DLGAP1: variants seen among roughly 807,000 people sequenced by gnomAD.
The protein encoded by DLGAP1 is disks large-associated protein 1.
A neutral mutation model predicts 90.8 loss-of-function variants in DLGAP1; 11 were observed. The observed-to-expected ratio is 0.12, with a 90% CI of 0.08 to 0.20. The LOEUF is 0.20. Among genes scored for constraint, DLGAP1 ranks in the 10% least tolerant of loss-of-function variants. DLGAP1 has a pLI of 1.00. For missense variants in DLGAP1, 1,050 were observed against 1,333.8 expected, an observed-to-expected ratio of 0.79 and a Z score of 3.31; for synonymous variants, 558 against 540.7, an observed-to-expected ratio of 1.03 and a Z score of -0.44.
At chr18:3,553,045 G>A (rs1384951915) in intron 9 of DLGAP1, among the ~76,000 whole-genome samples, 1 of 151,050 alleles carries the variant, frequency 6.6e-6, no homozygotes, top group African/African-American at 2.4e-5. Context: ...TTGTCATTTA[G>A]TTTCAGAAGG....
intron 1 of DLGAP1, among the ~76,000 whole-genome samples, chr18:4,220,896 A>G (rs977356073): frequency 2.6e-5 from 4 of 152,144 alleles, no homozygotes; most frequent in Non-Finnish European, 5.9e-5. Flanking sequence ...GTGGTCTTAT[A>G]AGATTATAAT....
At chr18:3,515,468 CA>C (rs55870741) in intron 10 of DLGAP1, among the ~76,000 whole-genome samples, 1,651 of 72,556 alleles carry the variant, frequency 0.023, 37 homozygotes, top group African/African-American at 0.084. Flanking sequence ...GATTCCATCT[CA>C]AAAAAAAAAA....
At chr18:4,436,956 G>T (rs2144793896) in intron 1 of DLGAP1, among the ~76,000 whole-genome samples, 1 of 152,248 alleles carries the variant, frequency 6.6e-6, no homozygotes, top group Admixed American at 6.5e-5. Context: ...TTTCCTAGAA[G>T]GTTTAATTTA....
intron 1 of DLGAP1, chr18:4,248,537 GA>G (rs1192735140): frequency 6.6e-6 from 1 of 152,226 alleles, no homozygotes; most frequent in African/African-American, 2.4e-5. Context: ...CTCAAGGGGG[GA>G]AAGGGGAGAC....
At chr18:3,868,843 TACA>T (rs2070566361) in intron 4 of DLGAP1, among the ~76,000 whole-genome samples, 2 of 152,288 alleles carry the variant, frequency 1.3e-5, no homozygotes, top group East Asian at 1.9e-4. Flanking sequence ...TTTCAATTTC[TACA>T]ACATTAGAAG....
chr18:3,741,309 T>TCAC lies in DLGAP1; in HGVS notation c.1350+1023_1350+1025dup, dbSNP rs1224630769. Among the ~76,000 whole-genome samples the TCAC allele has an allele frequency of 2.3e-4, 11 of 47,218 alleles. No homozygotes were observed. In the South Asian group the frequency reaches 4.8e-3, roughly 21 times the overall value. 31.0% of individuals were successfully genotyped at this position (47,218 alleles called of 152,430 possible). ...CCACCACCACCACCACCACATCACA[T>TCAC]CACCACCACCACCACCACCATCACC... On this transcript the variant is annotated intron_variant, in intron 6 of 12. Transcript: ENST00000315677.
chr18:4,440,109 G>A (rs1218647547), intron 1 of DLGAP1, among the ~76,000 whole-genome samples: 1 of 100,528 alleles, frequency 9.9e-6, no homozygotes, highest in Non-Finnish European at 1.8e-5. Flanking sequence ...GACAGAGTGA[G>A]ACTCCGTCAC....
chr18:4,226,551 G>A (rs1395709217), intron 1 of DLGAP1, among the ~76,000 whole-genome samples: 2 of 151,798 alleles, frequency 1.3e-5, no homozygotes, highest in Non-Finnish European at 2.9e-5. Flanking sequence ...AAAGTGTGGG[G>A]ACAAAGTTAA....
intron 1 of DLGAP1, among the ~76,000 whole-genome samples, chr18:4,230,824 A>C (rs1407055203): frequency 1.3e-5 from 2 of 151,576 alleles, no homozygotes; most frequent in Non-Finnish European, 2.9e-5. Flanking sequence ...TGGATACCCC[A>C]CTTACCCTGA....
At chr18:4,107,585 G>A (rs751927359) in intron 2 of DLGAP1, among the ~76,000 whole-genome samples, 3 of 152,178 alleles carry the variant, frequency 2.0e-5, no homozygotes, top group South Asian at 2.1e-4. Context: ...TGATGGTTGC[G>A]TAGCACTGCT....
intron 9 of DLGAP1, among the ~76,000 whole-genome samples, chr18:3,544,119 G>T (rs1436534530): frequency 1.3e-5 from 2 of 152,214 alleles, no homozygotes; most frequent in Non-Finnish European, 2.9e-5. Context: ...GCCGGGCACG[G>T]TGGCTCACGC....
chr18:4,138,305 G>GT (rs201191119), intron 2 of DLGAP1, among the ~76,000 whole-genome samples: 9 of 149,154 alleles, frequency 6.0e-5, no homozygotes, highest in African/African-American at 2.0e-4. Flanking sequence ...TTTTTTGAAG[G>GT]TTTTTCTTTT....
chr18:3,827,802 C>A (rs562686607), intron 4 of DLGAP1, among the ~76,000 whole-genome samples: 6 of 152,272 alleles, frequency 3.9e-5, no homozygotes, highest in African/African-American at 1.2e-4. Flanking sequence ...GTGTTTGTGA[C>A]CCATTAAATT....
chr18:3,983,790 A>C (rs1322959021), intron 3 of DLGAP1: 3 of 152,198 alleles, frequency 2.0e-5, no homozygotes, highest in Admixed American at 2.0e-4. Flanking sequence ...ATAAATCATC[A>C]GCCCATTCTA....
chr18:3,580,097 G>A, intron 8 of DLGAP1: 1 of 860,606 alleles, frequency 1.2e-6, no homozygotes, highest in East Asian at 2.4e-5. Flanking sequence ...TTATCCTGCA[G>A]CTTGAGTCAC....
chr18:3,765,255 C>T (rs534122923), intron 5 of DLGAP1, among the ~76,000 whole-genome samples: 3 of 150,670 alleles, frequency 2.0e-5, no homozygotes, highest in Admixed American at 1.3e-4. Flanking sequence ...TTCAGCCTCC[C>T]GAGTAGCTGG....
chr18:4,012,136 A>G (rs1371887539), intron 2 of DLGAP1, among the ~76,000 whole-genome samples: 3 of 152,142 alleles, frequency 2.0e-5, no homozygotes, highest in Non-Finnish European at 4.4e-5. Context: ...TTCCAGTCTC[A>G]GTGCCATGCC....
chr18:3,939,120 T>A (rs1364240997), intron 3 of DLGAP1, among the ~76,000 whole-genome samples: 1 of 151,638 alleles, frequency 6.6e-6, no homozygotes, highest in Non-Finnish European at 1.5e-5. Flanking sequence ...GGGATAAATA[T>A]TAAAAATGTG....
intron 2 of DLGAP1, among the ~76,000 whole-genome samples, chr18:4,081,113 C>T (rs1187857655): frequency 6.6e-6 from 1 of 152,094 alleles, no homozygotes; most frequent in African/African-American, 2.4e-5. Flanking sequence ...GTCTCGAACT[C>T]CTGACCTCAG....
Sources: gnomAD v4.1 joint callset for allele counts (sites outside exome capture counted in the v4.1 genomes callset) on GRCh38, gnomAD v4.1.1 for gene constraint, MANE v1.5 for transcripts, NCBI Gene and HGNC (gene_info 2026-07-23, HGNC 2026-07-21) for gene names.